Variants in SPTAN1 observed in about 807,000 individuals in gnomAD.
SPTAN1 encodes the protein spectrin alpha chain, non-erythrocytic 1.
A neutral mutation model predicts 331.3 loss-of-function variants in SPTAN1; 61 were observed. The ratio of observed to expected loss-of-function variants is 0.18; its 90% CI spans 0.15 to 0.23. The LOEUF (loss-of-function observed/expected upper bound fraction) is 0.23. Ranked by LOEUF, SPTAN1 falls within the 10% of genes least tolerant of loss-of-function variation. SPTAN1 has a pLI of 1.00. For synonymous variants in SPTAN1, 1,153 were observed against 1,173.9 expected, an observed-to-expected ratio of 0.98 and a Z score of 0.36; for missense variants, 2,043 against 3,147.9, an observed-to-expected ratio of 0.65 and a Z score of 8.40.
rs1188227707 is a variant in SPTAN1 at position 128,552,902 on chromosome 9, G to C, written c.-4+206G>C. 1 of 152,280 alleles carries C rather than the reference G, an allele frequency of 6.6e-6. No homozygotes were observed. The highest frequency in any genetic ancestry group is 2.4e-5 in the African/African-American group (1 of 41,456). The allele number at this position is 152,280 out of a possible 1,614,324, so 9.4% of individuals were successfully genotyped here. A position where few individuals can be genotyped will look rare whatever the true frequency, so the allele number is the denominator to read the frequency against. On this transcript the variant is annotated intron_variant, in intron 1 of 56. Transcript: ENST00000372739. This position sits in a 1 kb window ranked among gnomAD's most constrained non-coding sequence, Gnocchi z 4.6. ...CGCGTGGGCTGCGGAGGAGCAGCCG[G>C]GCCGAGGCTCGGCGCCGCCGCTGGA... is the stretch of plus-strand genomic sequence containing the variant.
At chr9:128,555,314 A>G in intron 1 of SPTAN1, 3 of 1,272,794 alleles carry the variant, frequency 2.4e-6, no homozygotes, top group Non-Finnish European at 2.1e-6. Flanking sequence ...TGCCCTTAGA[A>G]GCTTGTTATC....
Position 128,574,804 on chromosome 9 carries a change from A to G in SPTAN1, c.493A>G (p.Ile165Val), listed in dbSNP as rs780782090. ...AGAATGTGAGGACGTGATGGACTGG[A>G]TCAATGACAAGGCACGTTTTGGGAA... ...LRECEDVMDWINDKEAIVTSE... is the reference protein window; with the variant it reads ...LRECEDVMDWVNDKEAIVTSE... The change falls in exon 4 of 57, where the codon ATC becomes GTC. Residue 165 changes from isoleucine to valine, a missense_variant. Physicochemically the swap from Ile to Val is conservative, Grantham distance 29. Transcript: ENST00000372739. 1.2e-6 allele frequency: 2 copies of G among 1,614,054 alleles called. No individual in the cohort carries two copies. Among genetic ancestry groups the G allele is most frequent in the Non-Finnish European group, 8.5e-7 (1 of 1,179,928 alleles).
At chr9:128,555,279 G>A (rs1848499922) in intron 1 of SPTAN1, 2 of 1,087,482 alleles carry the variant, frequency 1.8e-6, no homozygotes, top group Non-Finnish European at 2.4e-6. Context: ...TAAATAATCT[G>A]TTTTCTTCAT....
In SPTAN1 at chr9:128,580,994, T is replaced by G; in HGVS notation, c.1396T>G (p.Cys466Gly). Reference protein sequence around the residue: ...WELRRQQYEQCMDLQLFYRDT... With the variant: ...WELRRQQYEQGMDLQLFYRDT... ...GCTGCGCAGGCAGCAGTACGAGCAG[T>G]GCATGGACCTGCAGCTCTTCTACCG... The change falls in exon 11 of 57, where the codon TGC becomes GGC. Residue 466 changes from cysteine to glycine, a missense_variant. Physicochemically the swap from Cys to Gly is radical, Grantham distance 159. Coordinates refer to ENST00000372739, the MANE Select transcript of SPTAN1 (RefSeq NM_001130438.3). The G allele has an allele frequency of 6.2e-7, 1 of 1,613,990 alleles. No homozygotes were observed. Among genetic ancestry groups the G allele is most frequent in the Non-Finnish European group, 8.5e-7 (1 of 1,180,026 alleles).
At position 128,606,374 on chromosome 9, in the gene SPTAN1, C is replaced by CAAAA. The variant is rs59257779; in HGVS notation, c.4046+912_4046+915dup. Among the ~76,000 whole-genome samples the CAAAA allele has an allele frequency of 4.5e-3, 264 of 58,732 alleles. 65 individuals carry two copies. The highest frequency in any genetic ancestry group is 0.042 in the Middle Eastern group (2 of 48). The allele number at this position is 58,732 out of a possible 152,430, so 38.5% of individuals were successfully genotyped here. ...TGGGCGATGGAGCAAGACTCTGCCTCAAAAAAAAAAAAAAAAAACAAGTCT... is the reference window on the plus strand; with the variant it reads ...TGGGCGATGGAGCAAGACTCTGCCTCAAAAAAAAAAAAAAAAAAAAAACAAGTCT... On this transcript the variant is annotated intron_variant, in intron 31 of 56. Coordinates refer to ENST00000372739, the MANE Select transcript of SPTAN1 (RefSeq NM_001130438.3).
rs1039300503 is a variant in SPTAN1 at position 128,625,682 on chromosome 9, G to A, written c.6070-87G>A. On this transcript the variant is annotated intron_variant, in intron 47 of 56. Coordinates refer to ENST00000372739, the MANE Select transcript of SPTAN1 (RefSeq NM_001130438.3). This position sits in a 1 kb window ranked among gnomAD's most constrained non-coding sequence, Gnocchi z 4.1. ...TGGACAGTTTGGCTTGGGCATCTGG[G>A]GGACATGCTGGTGCCATCTGAGCCT... The A allele has an allele frequency of 1.5e-6, 2 of 1,295,424 alleles. No individual in the cohort carries two copies. The highest frequency in any genetic ancestry group is 1.1e-6 in the Non-Finnish European group (1 of 900,450). The allele number at this position is 1,295,424 out of a possible 1,614,324, so 80.2% of individuals were successfully genotyped here. A position where few individuals can be genotyped will look rare whatever the true frequency, so the allele number is the denominator to read the frequency against.
At chr9:128,603,424 A>G in intron 27 of SPTAN1, 119 bp from the exon 28 acceptor site, 2 of 1,027,512 alleles carry the variant, frequency 1.9e-6, no homozygotes, top group Non-Finnish European at 3.1e-6. Context: ...GAATGTTGAC[A>G]GTATCCCTTT....
chr9:128,553,492 C>CCA (rs1211172645), intron 1 of SPTAN1: 1 of 152,188 alleles, frequency 6.6e-6, no homozygotes, highest in East Asian at 1.9e-4. Context: ...TTCTACCATA[C>CCA]CACTGTTGAA....
rs1851401240 is a variant in SPTAN1 at position 128,577,129 on chromosome 9, G to A, written c.786G>A (p.Arg262=). Residue 262 remains arginine (R), a splice_region_variant and synonymous_variant, in exon 7 of 57, where the codon AGG becomes AGA. Coordinates refer to ENST00000372739, the MANE Select transcript of SPTAN1 (RefSeq NM_001130438.3). This position sits in a 1 kb window ranked among gnomAD's most constrained non-coding sequence, Gnocchi z 4.2. ...FGAAEVQRFN[R]DVDETISWIK... ...ATTAACTGGTGCCTTTGTTCTGTAG[G>A]GATGTGGATGAGACTATCAGTTGGA... 4 of 1,614,152 alleles carry A rather than the reference G, an allele frequency of 2.5e-6. No individual in the cohort carries two copies. Among genetic ancestry groups the A allele is most frequent in the Non-Finnish European group, 2.5e-6 (3 of 1,180,034 alleles).
At chr9:128,582,040 A>G (rs998606502) in intron 12 of SPTAN1, 148 bp downstream of exon 12, 10 of 699,824 alleles carry the variant, frequency 1.4e-5, no homozygotes, top group African/African-American at 5.3e-5. Flanking sequence ...ATGACATGCT[A>G]TCTCGTTGAA....
In SPTAN1 at chr9:128,598,995, C is replaced by T. The variant is rs746280203; in HGVS notation, c.3543+9C>T. The stretch of plus-strand genomic sequence containing the variant: ...ATGGCATGATGCCCAGGGTAAGTTT[C>T]GGGTGCTGTGTGTGGATCTTGAACA... On this transcript the variant is annotated intron_variant, in intron 26 of 56. Transcript: ENST00000372739. The T allele has an allele frequency of 6.2e-6, 10 of 1,613,612 alleles. No homozygotes were observed. The East Asian group carries it at 1.1e-4, about 18-fold the overall frequency.
Position 128,594,373 on chromosome 9 carries a change from G to A in SPTAN1, c.3414G>A (p.Lys1138=). 1.2e-6 allele frequency: 2 copies of A among 1,612,390 alleles called. No individual in the cohort carries two copies. Among genetic ancestry groups the A allele is most frequent in the Non-Finnish European group, 1.7e-6 (2 of 1,179,328 alleles). Residue 1138 remains lysine (K), a splice_region_variant and synonymous_variant, in exon 24 of 57, where the codon AAG becomes AAA. Coordinates refer to ENST00000372739, the MANE Select transcript of SPTAN1 (RefSeq NM_001130438.3). ...AGAAGAAGTTTGATGACTTCCAGAA[G>A]GTATGGGCAGTCTTCAGGCTCAGCT... ...VLQKKFDDFQ[K]DLKANESRLK... is the part of the protein sequence containing the mutation.
chr9:128,580,492 A>G (rs992804395), intron 10 of SPTAN1, among the ~76,000 whole-genome samples: 6 of 152,062 alleles, frequency 3.9e-5, no homozygotes, highest in African/African-American at 9.7e-5. Flanking sequence ...AAGACTTGTC[A>G]TTAGTAGCTT....
rs984101264 is a variant in SPTAN1 at position 128,632,796 on chromosome 9, C to T, written c.7161-12C>T. 6.2e-7 allele frequency: 1 copy of T among 1,614,076 alleles called. No homozygotes were observed. The highest frequency in any genetic ancestry group is 8.5e-7 in the Non-Finnish European group (1 of 1,180,048). ...CCCTCCCTGCTCAGGCTCTTGCTTC[C>T]CCCGCTCCTAGAGATGGCCATGTCT... On this transcript the variant is annotated splice_polypyrimidine_tract_variant and intron_variant, in intron 55 of 56. Coordinates refer to ENST00000372739, the MANE Select transcript of SPTAN1 (RefSeq NM_001130438.3).
intron 12 of SPTAN1, 116 bp downstream of exon 12, chr9:128,582,008 G>A: frequency 1.2e-6 from 1 of 801,864 alleles, no homozygotes; most frequent in South Asian, 1.4e-5. Flanking sequence ...GTACTCCTGT[G>A]GGTGCTTAAA....
intron 52 of SPTAN1, 84 bp downstream of exon 52, chr9:128,630,459 T>G: frequency 7.2e-7 from 1 of 1,384,942 alleles, no homozygotes; most frequent in Non-Finnish European, 1.0e-6. Flanking sequence ...TGGCTTAAAG[T>G]CAGGAACCAG....
Position 128,608,139 on chromosome 9 carries a change from C to A in SPTAN1, c.4354C>A (p.Arg1452=). 1 of 1,614,144 alleles carries A rather than the reference C, an allele frequency of 6.2e-7. No individual in the cohort carries two copies. The change falls in exon 34 of 57, where the codon CGG becomes AGG. Residue 1452 remains arginine, a synonymous_variant. Coordinates refer to ENST00000372739, the MANE Select transcript of SPTAN1 (RefSeq NM_001130438.3). ...DQCLELQLFH[R]DCEQAENWMA... is the part of the protein sequence containing the mutation. Reference sequence around the variant, plus strand: ...CTCTTGCCCTCTTTAGCTGTTCCATCGGGACTGTGAGCAAGCTGAGAACTG... The same window carrying A: ...CTCTTGCCCTCTTTAGCTGTTCCATAGGGACTGTGAGCAAGCTGAGAACTG...
At chr9:128,575,102 C>A in intron 4 of SPTAN1, 97 bp from the exon 5 acceptor site, 1 of 1,537,122 alleles carries the variant, frequency 6.5e-7, no homozygotes, top group Non-Finnish European at 9.0e-7. Context: ...TTAAAGCTAA[C>A]ATGGCTCCGT....
chr9:128,602,790 C>T (rs777852931), intron 27 of SPTAN1, among the ~76,000 whole-genome samples: 2 of 152,036 alleles, frequency 1.3e-5, no homozygotes, highest in Non-Finnish European at 2.9e-5. Context: ...CTCACACCAC[C>T]GTGCCCAGCT....
Sources: allele counts gnomAD v4.1 joint callset (sites outside exome capture counted in the v4.1 genomes callset), GRCh38; gene constraint gnomAD v4.1.1; non-coding constraint Gnocchi (gnomAD v3.1); transcripts MANE v1.5; gene names NCBI Gene and HGNC (gene_info 2026-07-23, HGNC 2026-07-21).